BACH2: variants seen among roughly 807,000 people sequenced by gnomAD.
BACH2 encodes transcription regulator protein BACH2.
In BACH2, 5 loss-of-function variants were observed where a neutral mutation model predicts 61.8. The observed-to-expected ratio is 0.08, with a 90% CI of 0.04 to 0.17. The LOEUF is 0.17. BACH2 is among the 10% of genes least tolerant of loss of function. BACH2 has a pLI of 1.00. For synonymous variants in BACH2, 446 were observed against 440.1 expected, an observed-to-expected ratio of 1.01 and a Z score of -0.17; for missense variants, 824 against 1,091.1, an observed-to-expected ratio of 0.76 and a Z score of 3.45.
At chr6:89,964,506 T>C (rs1401547728) in intron 6 of BACH2, among the ~76,000 whole-genome samples, 6 of 152,242 alleles carry the variant, frequency 3.9e-5, no homozygotes. Flanking sequence ...CAAAATCTTC[T>C]TTGACTTCAT....
At chr6:90,268,031 C>G (rs2127879653) in intron 2 of BACH2, among the ~76,000 whole-genome samples, 1 of 132,310 alleles carries the variant, frequency 7.6e-6, no homozygotes, top group South Asian at 2.4e-4. Context: ...TTTTTCAAGA[C>G]AGGGTCTTGC....
At position 90,126,402 on chromosome 6, in the gene BACH2, G is replaced by A. The variant is rs574545694; in HGVS notation, c.-161-37293C>T. On this transcript the variant is annotated intron_variant, in intron 4 of 8. Coordinates refer to ENST00000257749, the MANE Select transcript of BACH2 (RefSeq NM_021813.4). Reference sequence around the variant, plus strand: ...GCTCTCAGTGCTACTGGCAGATACGGCACGGGCAGAAGAGAAAGCTTTGGG... The same window carrying A: ...GCTCTCAGTGCTACTGGCAGATACGACACGGGCAGAAGAGAAAGCTTTGGG... Among the ~76,000 whole-genome samples the A allele has an allele frequency of 2.8e-4, 43 of 152,272 alleles. No individual in the cohort carries two copies. The South Asian group carries it at 8.7e-3, about 31-fold the overall frequency.
intron 4 of BACH2, among the ~76,000 whole-genome samples, chr6:90,156,457 C>T (rs1333768932): frequency 6.6e-6 from 1 of 152,030 alleles, no homozygotes; most frequent in East Asian, 1.9e-4. Context: ...ATGGCATGGC[C>T]AAAAATAACA....
chr6:90,252,722 CA>C (rs1162814625), intron 2 of BACH2, 132 bp from the exon 3 acceptor site: 1 of 152,156 alleles, frequency 6.6e-6, no homozygotes, highest in Non-Finnish European at 1.5e-5. Flanking sequence ...ATGCCAGAAA[CA>C]GGATTACAAA....
At chr6:89,979,584 T>C (rs1313293903) in intron 6 of BACH2, among the ~76,000 whole-genome samples, 3 of 152,218 alleles carry the variant, frequency 2.0e-5, no homozygotes, top group Non-Finnish European at 2.9e-5. Context: ...TAGTCCCTCA[T>C]CTTCTCATTA....
At chr6:90,113,572 G>C (rs1027036120) in intron 4 of BACH2, among the ~76,000 whole-genome samples, 1 of 151,960 alleles carries the variant, frequency 6.6e-6, no homozygotes. Flanking sequence ...AGAATCTCTG[G>C]GACACAGCTA....
intron 5 of BACH2, among the ~76,000 whole-genome samples, chr6:90,021,732 G>A (rs1248749294): frequency 6.6e-6 from 1 of 152,180 alleles, no homozygotes; most frequent in Admixed American, 6.5e-5. Context: ...ACTTTCTAAT[G>A]CATCAAGACT....
At chr6:90,115,382 T>C (rs1464594709) in intron 4 of BACH2, among the ~76,000 whole-genome samples, 2 of 152,116 alleles carry the variant, frequency 1.3e-5, no homozygotes, top group African/African-American at 2.4e-5. Context: ...TCTATGACCA[T>C]CTGATCTTTG....
chr6:90,155,987 A>AT lies in BACH2; in HGVS notation c.-162+50581dup, dbSNP rs957985325. On this transcript the variant is annotated intron_variant, in intron 4 of 8. Coordinates refer to ENST00000257749, the MANE Select transcript of BACH2 (RefSeq NM_021813.4). The stretch of plus-strand genomic sequence containing the variant: ...GTGGCCTCATCACTAACTACAAGAG[A>AT]TTTTTTTTCCCCAATGGAAATCACC... Among the ~76,000 whole-genome samples, 23 of 152,070 alleles carry AT rather than the reference A, an allele frequency of 1.5e-4. No homozygotes were observed. The East Asian group carries it at 3.9e-3, about 26-fold the overall frequency.
rs1284235502 is a variant in BACH2, at chr6:89,929,726, C to T, written c.*2682G>A. On this transcript the variant is annotated 3_prime_UTR_variant, in exon 9 of 9. Transcript: ENST00000257749. ...TGCCAAACAGGTCTGGGCTACTGAA[C>T]CACAGAAACCTGAGGAAATGGATGG... 1 of 152,306 alleles carries T rather than the reference C, an allele frequency of 6.6e-6. No individual in the cohort carries two copies. The highest frequency in any genetic ancestry group is 1.5e-5 in the Non-Finnish European group (1 of 68,042). 9.4% of individuals were successfully genotyped at this position (152,306 alleles called of 1,614,324 possible). A position where few individuals can be genotyped will look rare whatever the true frequency, so the allele number is the denominator to read the frequency against.
intron 3 of BACH2, among the ~76,000 whole-genome samples, chr6:90,233,573 T>C (rs1434031096): frequency 6.6e-6 from 1 of 152,178 alleles, no homozygotes; most frequent in Non-Finnish European, 1.5e-5. Flanking sequence ...CGCCTGACAA[T>C]TGGGAATAAT....
intron 4 of BACH2, among the ~76,000 whole-genome samples, chr6:90,169,337 A>C (rs1220152005): frequency 1.3e-5 from 2 of 152,172 alleles, no homozygotes; most frequent in Non-Finnish European, 2.9e-5. Context: ...AAGCATAAAC[A>C]ACAGTAAAAA....
Position 90,091,623 on chromosome 6 carries a change from T to A in BACH2, c.-161-2514A>T, listed in dbSNP as rs550680544. Reference sequence around the variant, plus strand: ...TTTTCATATGCTAATAAAAGCAAACTGAAGTGACGTTTGTTTGTTATATTA... The same window carrying A: ...TTTTCATATGCTAATAAAAGCAAACAGAAGTGACGTTTGTTTGTTATATTA... On this transcript the variant is annotated intron_variant, in intron 4 of 8. Coordinates refer to ENST00000257749, the MANE Select transcript of BACH2 (RefSeq NM_021813.4). Among the ~76,000 whole-genome samples the A allele has an allele frequency of 2.0e-5, 3 of 152,296 alleles. No homozygotes were observed. In the South Asian group the frequency reaches 6.2e-4, roughly 32 times the overall value.
intron 4 of BACH2, among the ~76,000 whole-genome samples, chr6:90,132,320 C>G (rs879701756): frequency 9.9e-5 from 15 of 152,126 alleles, no homozygotes; most frequent in Admixed American, 4.6e-4. Context: ...GGTCATACCC[C>G]CTAAACAGCT....
chr6:89,988,934 C>G (rs944743678), intron 6 of BACH2, among the ~76,000 whole-genome samples: 1 of 152,196 alleles, frequency 6.6e-6, no homozygotes, highest in African/African-American at 2.4e-5. Context: ...GTAGTTCCCT[C>G]AGGTCTGCAA....
intron 4 of BACH2, among the ~76,000 whole-genome samples, chr6:90,181,495 T>C (rs1474969284): frequency 6.6e-6 from 1 of 152,082 alleles, no homozygotes; most frequent in Non-Finnish European, 1.5e-5. Flanking sequence ...CCAAAAAGTG[T>C]ATATGCTATT....
intron 1 of BACH2, among the ~76,000 whole-genome samples, chr6:90,275,072 GA>G (rs1458560925): frequency 6.6e-6 from 1 of 152,250 alleles, no homozygotes; most frequent in East Asian, 1.9e-4. Flanking sequence ...TCCTACAAAG[GA>G]AAAGGCTGGA....
chr6:90,026,544 T>G (rs969441849), intron 5 of BACH2, among the ~76,000 whole-genome samples: 2 of 152,286 alleles, frequency 1.3e-5, no homozygotes, highest in South Asian at 4.1e-4. Flanking sequence ...GACCAGGGAT[T>G]ATGATGTTAA....
intron 4 of BACH2, among the ~76,000 whole-genome samples, chr6:90,177,659 G>A (rs989865553): frequency 6.6e-6 from 1 of 152,156 alleles, no homozygotes; most frequent in Non-Finnish European, 1.5e-5. Flanking sequence ...TGAAGGCTGT[G>A]AAGCTTATGC....
Sources: gnomAD v4.1 joint callset for allele counts (sites outside exome capture counted in the v4.1 genomes callset) on GRCh38, gnomAD v4.1.1 for gene constraint, MANE v1.5 for transcripts, NCBI Gene and HGNC (gene_info 2026-07-23, HGNC 2026-07-21) for gene names.